The following POLQ variants were observed in gnomAD, a reference collection of about 807,000 sequenced individuals.
POLQ encodes the protein DNA polymerase theta, also known as epididymis secretory sperm binding protein.
Under a neutral mutation model 259.2 loss-of-function variants are expected in POLQ, and 233 were observed. That is an observed-to-expected ratio of 0.90 (90% CI 0.81 to 1.00). The LOEUF (loss-of-function observed/expected upper bound fraction) is 1.00, where lower values mean the gene tolerates loss of function less well. Ranked by LOEUF, POLQ falls within the 50% of genes least tolerant of loss-of-function variation. The pLI, the probability that POLQ is intolerant of heterozygous loss-of-function variation, is 0.00. For synonymous variants in POLQ, 1,025 were observed against 1,048.8 expected (o/e 0.98, Z 0.44); for missense variants, 2,871 against 3,051.6 (o/e 0.94, Z 1.39).
Position 121,488,341 on chromosome 3 carries a change from T to C in POLQ, c.4590A>G (p.Glu1530=). ...TTACATTTGATTTTTTAATTAGGTC[T>C]TCTTGTAGACACAGAGAATCACTAA... is the stretch of plus-strand genomic sequence containing the variant. The part of the protein sequence containing the change: ...NHFSDSLCLQ[E]DLIKKSNVNE... Residue 1530 remains glutamate, a synonymous_variant, in exon 16 of 30, where the codon GAA becomes GAG. Transcript: ENST00000264233. 6.2e-7 allele frequency: 1 copy of C among 1,613,148 alleles called. No individual in the cohort carries two copies. Among genetic ancestry groups the C allele is most frequent in the Non-Finnish European group, 8.5e-7 (1 of 1,179,530 alleles).
At chr3:121,506,814 G>A (rs911932228) in intron 12 of POLQ, among the ~76,000 whole-genome samples, 1 of 152,154 alleles carries the variant, frequency 6.6e-6, no homozygotes, top group Non-Finnish European at 1.5e-5. Context: ...GTTACTTACT[G>A]AAGCATAATT....
intron 25 of POLQ, among the ~76,000 whole-genome samples, chr3:121,458,838 G>T (rs891948991): frequency 1.3e-5 from 2 of 152,122 alleles, no homozygotes; most frequent in African/African-American, 4.8e-5. Context: ...ATCACTTGAC[G>T]CCAGGAGTTG....
At chr3:121,519,179 T>C (rs2048319052) in intron 9 of POLQ, among the ~76,000 whole-genome samples, 2 of 152,068 alleles carry the variant, frequency 1.3e-5, no homozygotes, top group Admixed American at 6.6e-5. Flanking sequence ...GTCACCTAAG[T>C]TGAATTAACA....
chr3:121,457,313 C>T (rs2047749857), intron 25 of POLQ, among the ~76,000 whole-genome samples: 1 of 152,180 alleles, frequency 6.6e-6, no homozygotes, highest in African/African-American at 2.4e-5. Flanking sequence ...CCATTCAGGA[C>T]ATAGGCATGG....
At position 121,538,637 on chromosome 3, in the gene POLQ, A is replaced by G. The variant is rs1456638233; in HGVS notation, c.631+796T>C. ...CCTGCCGTGTGCCAAGCACTGTGCT[A>G]GGTACATTGGAAATAGCACTTACTA... On this transcript the variant is annotated intron_variant, in intron 4 of 29. Transcript: ENST00000264233. Among the ~76,000 whole-genome samples the G allele has an allele frequency of 2.0e-5, 3 of 151,836 alleles. No individual in the cohort carries two copies. The South Asian group carries it at 6.2e-4, about 32-fold the overall frequency.
At chr3:121,452,461 TTC>T (rs563814937) in intron 25 of POLQ, among the ~76,000 whole-genome samples, 135 of 151,218 alleles carry the variant, frequency 8.9e-4, no homozygotes, top group African/African-American at 3.0e-3. Context: ...TTTCCTTTTT[TTC>T]TTTTTCACCT....
chr3:121,447,609 C>CT (rs2108777119), intron 26 of POLQ, among the ~76,000 whole-genome samples: 2 of 152,228 alleles, frequency 1.3e-5, no homozygotes, highest in South Asian at 4.1e-4. Context: ...TTATAATAGT[C>CT]TGTGTCTCTC....
At chr3:121,465,664 T>A (rs1173566531) in intron 24 of POLQ, among the ~76,000 whole-genome samples, 1 of 152,204 alleles carries the variant, frequency 6.6e-6, no homozygotes, top group Non-Finnish European at 1.5e-5. Context: ...CTCATTATTA[T>A]CTGTTATGGT....
At chr3:121,495,848 CAAAAAAAAAAAAA>C (rs34476932) in intron 14 of POLQ, among the ~76,000 whole-genome samples, 2 of 28,114 alleles carry the variant, frequency 7.1e-5, no homozygotes, top group Non-Finnish European at 7.5e-5. Context: ...GACTCTGTCT[CAAAAAAAAAAAAA>C]AAAAAAAAAA....
intron 25 of POLQ, among the ~76,000 whole-genome samples, chr3:121,457,057 C>T (rs1426988753): frequency 6.6e-6 from 1 of 152,142 alleles, no homozygotes; most frequent in Non-Finnish European, 1.5e-5. Context: ...TGGAACAGAA[C>T]AGAGCCCTCA....
In POLQ at chr3:121,441,250, TA is replaced by T. The variant is rs375425672; in HGVS notation, c.7265-1135del. ...AATACTCAAATTGAAAGAGCTACTT[TA>T]AAAAAAAAATCAGTGCTGAGGTATA... On this transcript the variant is annotated intron_variant, in intron 26 of 29. Transcript: ENST00000264233. Among the ~76,000 whole-genome samples, 1,289 of 150,138 alleles carry T rather than the reference TA, an allele frequency of 8.6e-3. 20 individuals carry two copies. Among genetic ancestry groups the T allele is most frequent in the African/African-American group, 0.029 (1,182 of 41,056 alleles).
rs772799286 is a variant in POLQ at position 121,487,766 on chromosome 3, G to C, written c.5165C>G (p.Pro1722Arg). The C allele has an allele frequency of 6.2e-7, 1 of 1,612,204 alleles. No individual in the cohort carries two copies. The highest frequency in any genetic ancestry group is 8.5e-7 in the Non-Finnish European group (1 of 1,178,896). The change falls in exon 16 of 30, where the codon CCT (proline) becomes CGT (arginine). Residue 1722 changes from proline to arginine, a missense_variant. By Grantham distance (103) the Pro-to-Arg change is moderately radical. Transcript: ENST00000264233. Reference sequence around the variant, plus strand: ...ATCAACTATATTACTTTCTTTACGAGGTAAGAGGGATGAGGTTTCATCATG... The same window carrying C: ...ATCAACTATATTACTTTCTTTACGACGTAAGAGGGATGAGGTTTCATCATG... ...ANHDETSSLL[P>R]RKESNIVDDN...
chr3:121,522,755 G>A (rs1274691061), intron 7 of POLQ, among the ~76,000 whole-genome samples: 1 of 152,106 alleles, frequency 6.6e-6, no homozygotes, highest in Non-Finnish European at 1.5e-5. Context: ...ACTGTGTAAG[G>A]GTAAGACGAA....
At chr3:121,522,851 C>T (rs920055485) in intron 7 of POLQ, among the ~76,000 whole-genome samples, 1 of 152,110 alleles carries the variant, frequency 6.6e-6, no homozygotes, top group Admixed American at 6.5e-5. Context: ...AAATCAAAAC[C>T]CTTGCTCAAG....
At chr3:121,538,585 C>T (rs1463536410) in intron 4 of POLQ, among the ~76,000 whole-genome samples, 1 of 97,054 alleles carries the variant, frequency 1.0e-5, no homozygotes, top group Non-Finnish European at 2.2e-5. Flanking sequence ...ATTCATTCAC[C>T]AAAAAAAAAA....
intron 20 of POLQ, among the ~76,000 whole-genome samples, chr3:121,474,323 T>C (rs1259374971): frequency 6.6e-6 from 1 of 152,078 alleles, no homozygotes; most frequent in African/African-American, 2.4e-5. Flanking sequence ...GCCAATACAA[T>C]GTGGCAATAA....
chr3:121,524,926 T>C (rs1250809234), intron 7 of POLQ, among the ~76,000 whole-genome samples: 2 of 117,638 alleles, frequency 1.7e-5, no homozygotes, highest in Non-Finnish European at 3.6e-5. Flanking sequence ...GCGTGTATAT[T>C]TGTGTATAAA....
intron 14 of POLQ, 56 bp from the exon 15 acceptor site, chr3:121,493,777 C>T (rs2048091522): frequency 6.7e-7 from 1 of 1,494,548 alleles, no homozygotes; most frequent in Non-Finnish European, 9.2e-7. Flanking sequence ...ACGAATTCTC[C>T]ATTTCTTTAG....
intron 12 of POLQ, among the ~76,000 whole-genome samples, chr3:121,501,458 G>C (rs2048167049): frequency 2.0e-5 from 3 of 150,244 alleles, no homozygotes; most frequent in Admixed American, 6.6e-5. Flanking sequence ...AGGAGATCGA[G>C]ACCATCCCGG....
Sources: allele counts gnomAD v4.1 joint callset (sites outside exome capture counted in the v4.1 genomes callset), GRCh38; gene constraint gnomAD v4.1.1; transcripts MANE v1.5; gene names NCBI Gene and HGNC (gene_info 2026-07-23, HGNC 2026-07-21).